Variants in ENOX1 observed in about 807,000 individuals in gnomAD.
The protein encoded by ENOX1 is ecto-NOX disulfide-thiol exchanger 1.
In ENOX1, 42 loss-of-function variants were observed where a neutral mutation model predicts 82.5. That is an observed-to-expected ratio of 0.51 (90% CI 0.40 to 0.66). ENOX1 has a LOEUF of 0.66. ENOX1 is among the 30% of genes least tolerant of loss of function. ENOX1 has a pLI of 0.00. For missense variants in ENOX1, 608 were observed against 811.6 expected (o/e 0.75, Z 3.05); for synonymous variants, 271 against 282.2 (o/e 0.96, Z 0.40).
chr13:43,622,595 G>A (rs2082785291), intron 2 of ENOX1, among the ~76,000 whole-genome samples: 1 of 152,178 alleles, frequency 6.6e-6, no homozygotes, highest in Admixed American at 6.5e-5. Context: ...CCTGTGATGT[G>A]AACCATCTAT....
At chr13:43,367,106 A>G (rs2050899906) in intron 5 of ENOX1, among the ~76,000 whole-genome samples, 1 of 152,218 alleles carries the variant, frequency 6.6e-6, no homozygotes, top group African/African-American at 2.4e-5. Flanking sequence ...AGACATTGCA[A>G]TGTTCTTCCT....
intron 1 of ENOX1, among the ~76,000 whole-genome samples, chr13:43,718,676 CAAAAAAAAAAAAAAAAAAAAAAA>C (rs61671392): frequency 1.8e-5 from 1 of 55,586 alleles, no homozygotes; most frequent in Admixed American, 2.5e-4. Flanking sequence ...GACTCCGTCT[CAAAAAAAAAAAAAAAAAAAAAAA>C]AAAAAAAAAA....
chr13:43,677,485 G>A (rs935144918), intron 1 of ENOX1, among the ~76,000 whole-genome samples: 2 of 152,114 alleles, frequency 1.3e-5, no homozygotes, highest in African/African-American at 4.8e-5. Flanking sequence ...AAGAAACTGA[G>A]CCCTCAAAAA....
chr13:43,695,211 A>G (rs966216248), intron 1 of ENOX1, among the ~76,000 whole-genome samples: 3 of 151,964 alleles, frequency 2.0e-5, no homozygotes, highest in African/African-American at 7.3e-5. Flanking sequence ...TCTTCTGAGA[A>G]GGTAACCCAT....
intron 2 of ENOX1, among the ~76,000 whole-genome samples, chr13:43,614,831 A>C (rs1032226999): frequency 6.6e-6 from 1 of 152,172 alleles, no homozygotes; most frequent in Non-Finnish European, 1.5e-5. Context: ...GCCTTGCTAC[A>C]TACAAAATGT....
intron 2 of ENOX1, among the ~76,000 whole-genome samples, chr13:43,570,774 G>A (rs1196244067): frequency 6.6e-6 from 1 of 152,182 alleles, no homozygotes; most frequent in African/African-American, 2.4e-5. Flanking sequence ...GAGAAGTGGA[G>A]GGGAAGAGGG....
At chr13:43,335,422 AT>A (rs1456397433) in intron 9 of ENOX1, among the ~76,000 whole-genome samples, 1 of 152,136 alleles carries the variant, frequency 6.6e-6, no homozygotes, top group African/African-American at 2.4e-5. Context: ...CTTTGTAAAA[AT>A]TTTTTTTATG....
chr13:43,632,432 T>C (rs917364481), intron 2 of ENOX1, among the ~76,000 whole-genome samples: 5 of 151,894 alleles, frequency 3.3e-5, no homozygotes, highest in South Asian at 2.1e-4. Flanking sequence ...ATTATAATAA[T>C]GTATTTCTAT....
At chr13:43,594,383 G>T (rs1594008392) in intron 2 of ENOX1, among the ~76,000 whole-genome samples, 2 of 152,184 alleles carry the variant, frequency 1.3e-5, no homozygotes, top group Non-Finnish European at 2.9e-5. Context: ...TATAAGGAGA[G>T]TTATATTTGT....
intron 2 of ENOX1, among the ~76,000 whole-genome samples, chr13:43,613,787 C>G (rs571521816): frequency 6.6e-6 from 1 of 151,862 alleles, no homozygotes; most frequent in African/African-American, 2.4e-5. Context: ...AAAAATTAGC[C>G]GGGCATGGTG....
Position 43,649,479 on chromosome 13 carries a change from T to C in ENOX1, c.-219+18000A>G, listed in dbSNP as rs374028648. Among the ~76,000 whole-genome samples, 252 of 152,326 alleles carry C rather than the reference T, an allele frequency of 1.7e-3. 1 individual carries two copies. The highest frequency in any genetic ancestry group is 4.9e-3 in the African/African-American group (202 of 41,580). On this transcript the variant is annotated intron_variant, in intron 2 of 16. Coordinates refer to ENST00000690772, the MANE Select transcript of ENOX1 (RefSeq NM_001347969.2). ...GTTGTATATGTTAATATAATGAACT[T>C]ACAAATAAACAATATCTAGTAAGAT...
intron 1 of ENOX1, among the ~76,000 whole-genome samples, chr13:43,675,037 T>C (rs1304499753): frequency 1.3e-5 from 2 of 152,180 alleles, no homozygotes; most frequent in Non-Finnish European, 2.9e-5. Context: ...AGGTCACGTT[T>C]AGAAGCCTGA....
rs79589769 is a variant in ENOX1 at position 43,257,067 on chromosome 13, G to A, written c.1611+8331C>T. ...GAAATAACCCAGACATAGGAAGTTA[G>A]ACACCACGTGTTCTCACTCGTATGC... On this transcript the variant is annotated intron_variant, in intron 14 of 16. Coordinates refer to ENST00000690772, the MANE Select transcript of ENOX1 (RefSeq NM_001347969.2). Among the ~76,000 whole-genome samples, 265 of 152,290 alleles carry A rather than the reference G, an allele frequency of 1.7e-3. 1 individual carries two copies. The highest frequency in any genetic ancestry group is 6.2e-3 in the African/African-American group (257 of 41,578).
At chr13:43,622,800 G>A (rs1299347943) in intron 2 of ENOX1, among the ~76,000 whole-genome samples, 9 of 152,100 alleles carry the variant, frequency 5.9e-5, no homozygotes. Flanking sequence ...AATGGGTGGT[G>A]GGGTGGGGTC....
At chr13:43,631,253 G>A (rs190237387) in intron 2 of ENOX1, among the ~76,000 whole-genome samples, 59 of 152,098 alleles carry the variant, frequency 3.9e-4, no homozygotes, top group Admixed American at 3.8e-3. Context: ...TTACTGAATT[G>A]CAGCTACTAG....
At chr13:43,590,631 C>A (rs2081202287) in intron 2 of ENOX1, among the ~76,000 whole-genome samples, 1 of 151,130 alleles carries the variant, frequency 6.6e-6, no homozygotes, top group African/African-American at 2.4e-5. Context: ...AAAAAATTAG[C>A]TGGGCACAGT....
intron 2 of ENOX1, among the ~76,000 whole-genome samples, chr13:43,530,805 T>C (rs912681327): frequency 6.6e-6 from 1 of 152,084 alleles, no homozygotes; most frequent in African/African-American, 2.4e-5. Context: ...TAAACCCAGT[T>C]AATGAAAAAT....
intron 3 of ENOX1, among the ~76,000 whole-genome samples, chr13:43,465,584 G>A (rs548730130): frequency 2.0e-5 from 3 of 152,264 alleles, no homozygotes; most frequent in African/African-American, 7.2e-5. Context: ...TCTGGGCACT[G>A]CATGTGCTTG....
rs139373042 is a variant in ENOX1 at position 43,634,378 on chromosome 13, T to C, written c.-219+33101A>G. Among the ~76,000 whole-genome samples, 193 of 152,316 alleles carry C rather than the reference T, an allele frequency of 1.3e-3. 1 individual carries two copies. The highest frequency in any genetic ancestry group is 9.4e-3 in the Admixed American group (144 of 15,296). On this transcript the variant is annotated intron_variant, in intron 2 of 16. Transcript: ENST00000690772. ...TGCTTCCAGTTACATACTTGGATGG[T>C]GTGTTACAGAGGAGAGGGAGATTTA...
Sources: allele counts gnomAD v4.1 joint callset (sites outside exome capture counted in the v4.1 genomes callset), GRCh38; gene constraint gnomAD v4.1.1; transcripts MANE v1.5; gene names NCBI Gene and HGNC (gene_info 2026-07-23, HGNC 2026-07-21).